ASB15: variants seen among roughly 807,000 people sequenced by gnomAD.
ASB15 encodes ankyrin repeat and SOCS box containing 15, also known as ankyrin repeat and SOCS box protein 15.
Under a neutral mutation model 58.0 loss-of-function variants are expected in ASB15, and 54 were observed. The ratio of observed to expected loss-of-function variants is 0.93; its 90% CI spans 0.75 to 1.17. The LOEUF (loss-of-function observed/expected upper bound fraction) is 1.17. ASB15 is among the 50% of genes most tolerant of loss of function. The probability of loss-of-function intolerance (pLI) is 0.00; values close to 1 mark genes in which losing one functional copy is unlikely to be tolerated. For missense variants in ASB15, 680 were observed against 707.4 expected (o/e 0.96, Z 0.44); for synonymous variants, 249 against 262.4 (o/e 0.95, Z 0.50).
intron 3 of ASB15, among the ~76,000 whole-genome samples, chr7:123,611,082 C>CAAAA (rs34527165): frequency 1.8e-3 from 146 of 81,594 alleles, no homozygotes; most frequent in Admixed American, 2.5e-3. Context: ...AACTCCATCT[C>CAAAA]AAAAAAAAAA....
intron 1 of ASB15, among the ~76,000 whole-genome samples, chr7:123,577,095 C>CTAAAAGATT (rs1799088099): frequency 6.6e-6 from 1 of 151,882 alleles, no homozygotes; most frequent in Non-Finnish European, 1.5e-5. Flanking sequence ...TTTACATAAC[C>CTAAAAGATT]ACCTCCTACT....
chr7:123,586,520 G>T lies in ASB15; in HGVS notation c.-442-17512G>T, dbSNP rs147389680. On this transcript the variant is annotated intron_variant, in intron 1 of 13. Coordinates refer to the ASB15 transcript ENST00000451558. Reference sequence around the variant, plus strand: ...TCCCTTGGTTGCATTTTCTTTCGTTGATTGTTTCCTTTGCTGTGCAGAAAC... The same window carrying T: ...TCCCTTGGTTGCATTTTCTTTCGTTTATTGTTTCCTTTGCTGTGCAGAAAC... Among the ~76,000 whole-genome samples the T allele has an allele frequency of 2.5e-3, 380 of 151,636 alleles. 3 individuals are homozygous for T. The highest frequency in any genetic ancestry group is 9.0e-3 in the African/African-American group (372 of 41,424).
chr7:123,633,308 T>C (rs890170814), intron 11 of ASB15, among the ~76,000 whole-genome samples: 1 of 151,904 alleles, frequency 6.6e-6, no homozygotes, highest in Non-Finnish European at 1.5e-5. Context: ...ATAAAATAAA[T>C]AATATTTAAT....
chr7:123,589,321 T>C (rs932648478), intron 1 of ASB15, among the ~76,000 whole-genome samples: 1 of 149,282 alleles, frequency 6.7e-6, no homozygotes, highest in Non-Finnish European at 1.5e-5. Context: ...TTATTATTAT[T>C]ATCATTATTA....
chr7:123,590,821 T>C (rs1299937253), intron 1 of ASB15, among the ~76,000 whole-genome samples: 1 of 152,178 alleles, frequency 6.6e-6, no homozygotes, highest in Non-Finnish European at 1.5e-5. Context: ...AGTAGTTTTT[T>C]CCAATTCTGT....
chr7:123,601,024 G>A (rs1260805697), upstream of ASB15, among the ~76,000 whole-genome samples: 1 of 152,124 alleles, frequency 6.6e-6, no homozygotes, highest in South Asian at 2.1e-4. Context: ...GTCAGAAAGA[G>A]GTCACTGAGA....
At position 123,636,837 on chromosome 7, in the gene ASB15, T is replaced by C. The variant is rs780256314; in HGVS notation, c.1623T>C (p.Cys541=). The C allele has an allele frequency of 6.2e-7, 1 of 1,609,040 alleles. No individual in the cohort carries two copies. Among genetic ancestry groups the C allele is most frequent in the Non-Finnish European group, 8.5e-7 (1 of 1,178,712 alleles). ...ATCCTTGTTCATTGAAGCATTTGTG[T>C]CGGTTAAAAATTCGAAGGCTTATGG... ...LENPCSLKHL[C]RLKIRRLMGL... The change falls in exon 12 of 12, where the codon TGT becomes TGC. Residue 541 remains cysteine (C), a synonymous_variant. Coordinates refer to ENST00000451215, the MANE Select transcript of ASB15 (RefSeq NM_001290258.2).
At chr7:123,626,033 A>G (rs140851830) in intron 8 of ASB15, among the ~76,000 whole-genome samples, 1 of 152,262 alleles carries the variant, frequency 6.6e-6, no homozygotes, top group East Asian at 1.9e-4. Flanking sequence ...TCCTTGTCTT[A>G]ATGTCAGTGT....
chr7:123,587,733 T>A (rs897079420), intron 1 of ASB15, among the ~76,000 whole-genome samples: 4 of 151,664 alleles, frequency 2.6e-5, no homozygotes, highest in Non-Finnish European at 5.9e-5. Flanking sequence ...TAGCTGAGAG[T>A]TTTTAATATC....
At chr7:123,594,930 C>G (rs935641007) in intron 1 of ASB15, among the ~76,000 whole-genome samples, 7 of 152,160 alleles carry the variant, frequency 4.6e-5, no homozygotes, top group African/African-American at 9.7e-5. Context: ...GCTGAGCAGC[C>G]GTGTGCTCCA....
chr7:123,604,341 G>T (rs953120309), intron 2 of ASB15, 129 bp downstream of exon 2: 8 of 152,132 alleles, frequency 5.3e-5, no homozygotes, highest in Middle Eastern at 3.2e-3. Context: ...CAGCATTTTG[G>T]GAGGCCGATG....
chr7:123,584,648 G>A (rs1799328379), intron 1 of ASB15, among the ~76,000 whole-genome samples: 1 of 151,888 alleles, frequency 6.6e-6, no homozygotes, highest in South Asian at 2.1e-4. Context: ...GAACAAATAG[G>A]AATTCTAAAA....
intron 1 of ASB15, among the ~76,000 whole-genome samples, chr7:123,579,345 A>G (rs1353183107): frequency 6.6e-6 from 1 of 152,148 alleles, no homozygotes; most frequent in African/African-American, 2.4e-5. Context: ...GTTAAAAATA[A>G]GGATCTTAGA....
Position 123,629,979 on chromosome 7 carries a change from T to C in ASB15, c.1454T>C (p.Ile485Thr), listed in dbSNP as rs749906069. 1.1e-5 allele frequency: 18 copies of C among 1,588,370 alleles called. No individual in the cohort carries two copies. The Admixed American group carries it at 2.7e-4, about 24-fold the overall frequency. The stretch of plus-strand genomic sequence containing the variant: ...CAATTCTCTCAGTTCTGTGAGTTTA[T>C]TACAGTTCCTTGGATGAAGCACTTG... Reference protein sequence around the residue: ...VIKDNPFCEFITVPWMKHLVG... With the variant: ...VIKDNPFCEFTTVPWMKHLVG... The change falls in exon 11 of 12, where the codon ATT becomes ACT. Residue 485 changes from isoleucine to threonine, a missense_variant. Physicochemically the swap from Ile to Thr is moderately conservative, Grantham distance 89. Transcript: ENST00000451215.
chr7:123,623,224 A>ATGAG (rs1801451851), intron 7 of ASB15: 1 of 152,200 alleles, frequency 6.6e-6, no homozygotes, highest in African/African-American at 2.4e-5. Flanking sequence ...TGAATAGGAA[A>ATGAG]TGAGTGAGTG....
intron 11 of ASB15, among the ~76,000 whole-genome samples, chr7:123,635,300 A>G (rs1802360432): frequency 6.6e-6 from 1 of 152,214 alleles, no homozygotes; most frequent in Admixed American, 6.5e-5. Flanking sequence ...TAGATGTTCG[A>G]CTAATAATTA....
At chr7:123,595,572 T>C (rs1458627659) in intron 1 of ASB15, among the ~76,000 whole-genome samples, 3 of 152,204 alleles carry the variant, frequency 2.0e-5, no homozygotes, top group Non-Finnish European at 4.4e-5. Context: ...TTATGTAACA[T>C]TCACCTCACC....
At chr7:123,588,997 T>A (rs1468492139) in intron 1 of ASB15, among the ~76,000 whole-genome samples, 1 of 151,910 alleles carries the variant, frequency 6.6e-6, no homozygotes, top group African/African-American at 2.4e-5. Flanking sequence ...TGATCTATCC[T>A]GGAGAATATT....
At chr7:123,599,293 G>C (rs1037879561), upstream of ASB15, among the ~76,000 whole-genome samples, 1 of 152,054 alleles carries the variant, frequency 6.6e-6, no homozygotes, top group African/African-American at 2.4e-5. Context: ...AAAATAATAG[G>C]ATAACTTAAA....
Sources: gnomAD v4.1 joint callset for allele counts (sites outside exome capture counted in the v4.1 genomes callset) on GRCh38, gnomAD v4.1.1 for gene constraint, MANE v1.5 for transcripts, NCBI Gene and HGNC (gene_info 2026-07-23, HGNC 2026-07-21) for gene names.